Variants in MSS51 observed in about 807,000 individuals in gnomAD.
MSS51 encodes the protein putative protein MSS51 homolog, mitochondrial.
MSS51 carries 32 observed loss-of-function variants against 40.2 expected under a neutral mutation model. The ratio of observed to expected loss-of-function variants is 0.80; its 90% CI spans 0.60 to 1.07. The LOEUF is 1.07. MSS51 is among the 50% of genes least tolerant of loss of function. MSS51 has a pLI of 0.00. For synonymous variants in MSS51, 178 were observed against 214.2 expected, an observed-to-expected ratio of 0.83 and a Z score of 1.48; for missense variants, 518 against 568.9, an observed-to-expected ratio of 0.91 and a Z score of 0.91.
chr10:73,432,989 TAGAA>T (rs2056040086), intron 1 of MSS51, among the ~76,000 whole-genome samples: 1 of 152,170 alleles, frequency 6.6e-6, no homozygotes, highest in African/African-American at 2.4e-5. Flanking sequence ...GCTCTCCACT[TAGAA>T]AGGGAATCCC....
chr10:73,426,169 T>A lies in MSS51; in HGVS notation c.711A>T (p.Thr237=), dbSNP rs1366163707. The A allele has an allele frequency of 6.2e-7, 1 of 1,614,228 alleles. No homozygotes were observed. The change falls in exon 5 of 7, where the codon ACA becomes ACT. Residue 237 remains threonine (T), a synonymous_variant. Coordinates refer to ENST00000299432, the MANE Select transcript of MSS51 (RefSeq NM_001024593.2). ...VLQGSLKRLL[T]DVLSRPLTLG... is the part of the protein sequence containing the mutation. ...GAGTCAAGGGCCGTGACAGGACATC[T>A]GTCAGCAGCCGCTTCAAAGATCCCT...
Position 73,428,055 on chromosome 10 carries a change from G to GTCACTCACTTATATTCTTCATAGCTTT in MSS51, c.203_221+8dup, listed in dbSNP as rs1239875928. 6.2e-7 allele frequency: 1 copy of GTCACTCACTTATATTCTTCATAGCTTT among 1,612,100 alleles called. No homozygotes were observed. Among genetic ancestry groups the GTCACTCACTTATATTCTTCATAGCTTT allele is most frequent in the Admixed American group, 1.7e-5 (1 of 60,000 alleles). On this transcript the variant is annotated intron_variant, in intron 2 of 6. Coordinates refer to ENST00000299432, the MANE Select transcript of MSS51 (RefSeq NM_001024593.2). ...AATATATCCCTTTTCCATAGAGCTG[G>GTCACTCACTTATATTCTTCATAGCTTT]TCACTCACTTATATTCTTCATAGCT...
chr10:73,428,188 G>A lies in MSS51; in HGVS notation c.97C>T (p.Leu33=), dbSNP rs776559249. 7 of 1,614,042 alleles carry A rather than the reference G, an allele frequency of 4.3e-6. No homozygotes were observed. Among genetic ancestry groups the A allele is most frequent in the African/African-American group, 4.0e-5 (3 of 74,916 alleles). The change falls in exon 2 of 7, where the codon CTG becomes TTG. Residue 33 remains leucine (L), a synonymous_variant. Coordinates refer to ENST00000299432, the MANE Select transcript of MSS51 (RefSeq NM_001024593.2). ...APTTIVTPVP[L]TPSKPGPSID... is the part of the protein sequence containing the mutation. ...CTAGGGCCAGGTTTTGAGGGGGTCAGAGGCACAGGGGTCACAATTGTGGTT... is the reference window on the plus strand; with the variant it reads ...CTAGGGCCAGGTTTTGAGGGGGTCAAAGGCACAGGGGTCACAATTGTGGTT...
At chr10:73,427,959 T>C in intron 2 of MSS51, 105 bp downstream of exon 2, 1 of 1,226,030 alleles carries the variant, frequency 8.2e-7, no homozygotes. Flanking sequence ...GAAAATCTCT[T>C]ATTGCAAATA....
At chr10:73,426,516 C>T in intron 4 of MSS51, 91 bp downstream of exon 4, 15 of 1,595,942 alleles carry the variant, frequency 9.4e-6, no homozygotes, top group Non-Finnish European at 1.3e-5. Flanking sequence ...CCCACTTCCT[C>T]ATTTTTTCAT....
At chr10:73,432,997 G>T (rs188879227) in intron 1 of MSS51, among the ~76,000 whole-genome samples, 4 of 152,150 alleles carry the variant, frequency 2.6e-5, no homozygotes, top group Non-Finnish European at 5.9e-5. Context: ...CTTAGAAAGG[G>T]AATCCCTTTC....
chr10:73,431,755 G>A (rs189614929), intron 1 of MSS51, among the ~76,000 whole-genome samples: 47 of 152,290 alleles, frequency 3.1e-4, no homozygotes, highest in Middle Eastern at 3.4e-3. Context: ...CCACAGAACA[G>A]AAATAGTCAA....
intron 5 of MSS51, among the ~76,000 whole-genome samples, chr10:73,425,587 G>A (rs947980466): frequency 1.3e-5 from 2 of 151,480 alleles, no homozygotes; most frequent in East Asian, 1.9e-4. Context: ...GCGTGAACCC[G>A]GGAGGTGGAG....
chr10:73,428,151 AGT>A lies in MSS51; in HGVS notation c.132_133del (p.Leu45TrpfsTer7), dbSNP rs1425303337. On this transcript the variant is annotated frameshift_variant, in exon 2 of 7. Coordinates refer to ENST00000299432, the MANE Select transcript of MSS51 (RefSeq NM_001024593.2). LOFTEE classifies it high-confidence loss of function. ...ATTATCATCCAAGGAGAAGAAGCCA[AGT>A]GTGTCAATGCTAGGGCCAGGTTTTG... 2.5e-6 allele frequency: 4 copies of A among 1,613,980 alleles called. No homozygotes were observed. The Admixed American group carries it at 6.7e-5, about 27-fold the overall frequency.
chr10:73,427,308 T>C (rs1293299037), intron 3 of MSS51, among the ~76,000 whole-genome samples: 1 of 138,798 alleles, frequency 7.2e-6, no homozygotes, highest in African/African-American at 2.8e-5. Flanking sequence ...AGACAGAGTC[T>C]CGCTCTGTCA....
chr10:73,426,430 T>C (rs1433264434), intron 4 of MSS51, 53 bp from the exon 5 acceptor site: 2 of 1,580,402 alleles, frequency 1.3e-6, no homozygotes, highest in Middle Eastern at 1.7e-4. Flanking sequence ...GCTTCAAAAT[T>C]TCCCCCTCAC....
chr10:73,428,980 G>A (rs991383816), intron 1 of MSS51, among the ~76,000 whole-genome samples: 9 of 151,242 alleles, frequency 6.0e-5, no homozygotes, highest in Admixed American at 3.3e-4. Context: ...TGAGGCGGGC[G>A]GATCACCTGA....
intron 1 of MSS51, among the ~76,000 whole-genome samples, chr10:73,428,552 G>A (rs1047253148): frequency 1.3e-5 from 2 of 152,086 alleles, no homozygotes; most frequent in Admixed American, 6.5e-5. Context: ...GAGTACAGCA[G>A]CATAATCTCA....
rs141505321 is a variant in MSS51, at chr10:73,424,694, G to A, written c.1242C>T (p.Phe414=). 1.1e-4 allele frequency: 179 copies of A among 1,614,160 alleles called. No individual in the cohort carries two copies. The highest frequency in any genetic ancestry group is 1.5e-4 in the Non-Finnish European group (173 of 1,180,012). The stretch of plus-strand genomic sequence containing the variant: ...AGACCTGTTCAGGTTTGAGGGACAT[G>A]AAAGGATTAGACCCAAAGGCAGTGA... The part of the protein sequence containing the change: ...THITAFGSNP[F]MSLKPEQVYS... The change falls in exon 7 of 7, where the codon TTC becomes TTT. Residue 414 remains phenylalanine, a synonymous_variant. Transcript: ENST00000299432.
At chr10:73,427,900 A>G in intron 2 of MSS51, 132 bp from the exon 3 acceptor site, 1 of 1,250,790 alleles carries the variant, frequency 8.0e-7, no homozygotes, top group Non-Finnish European at 1.1e-6. Flanking sequence ...TTTTCACTTA[A>G]GTGAATGTTT....
intron 1 of MSS51, among the ~76,000 whole-genome samples, chr10:73,429,146 C>A (rs929296213): frequency 1.3e-5 from 2 of 151,850 alleles, no homozygotes; most frequent in Non-Finnish European, 2.9e-5. Flanking sequence ...GCGGAGGTTG[C>A]GGTGAGCCGA....
chr10:73,424,646 T>G lies in MSS51; in HGVS notation c.1290A>C (p.Pro430=). The change falls in exon 7 of 7, where the codon CCA becomes CCC. Residue 430 remains proline (P), a synonymous_variant. Coordinates refer to ENST00000299432, the MANE Select transcript of MSS51 (RefSeq NM_001024593.2). ...EQVYSSPNKQ[P]VYCSAYYIMF... The stretch of plus-strand genomic sequence containing the variant: ...TGATATAGTATGCACTGCAGTATAC[T>G]GGCTGCTTGTTGGGACTGGAATAGA... The G allele has an allele frequency of 6.2e-7, 1 of 1,614,154 alleles. No individual in the cohort carries two copies. Among genetic ancestry groups the G allele is most frequent in the Non-Finnish European group, 8.5e-7 (1 of 1,179,996 alleles).
At chr10:73,429,132 G>A (rs1218324885) in intron 1 of MSS51, among the ~76,000 whole-genome samples, 1 of 152,116 alleles carries the variant, frequency 6.6e-6, no homozygotes, top group Non-Finnish European at 1.5e-5. Flanking sequence ...CTTGAACCCA[G>A]GAGGCGGAGG....
rs111761015 is a variant in MSS51, at chr10:73,424,325, C to T, written c.*228G>A. 0.014 allele frequency: 6,494 copies of T among 467,656 alleles called. 152 individuals carry two copies. Among genetic ancestry groups the T allele is most frequent in the South Asian group, 0.057 (2,512 of 43,970 alleles). 29.0% of individuals were successfully genotyped at this position (467,656 alleles called of 1,614,324 possible). On this transcript the variant is annotated 3_prime_UTR_variant, in exon 7 of 7. Transcript: ENST00000299432. ...CCAGGAGGCGGAGGCTGCAGTGAGT[C>T]GAGATCATGCCGCTGCACTCCAGCC...
Sources: allele counts gnomAD v4.1 joint callset (sites outside exome capture counted in the v4.1 genomes callset), GRCh38; gene constraint gnomAD v4.1.1; transcripts MANE v1.5; gene names NCBI Gene and HGNC (gene_info 2026-07-23, HGNC 2026-07-21).